The following XKR3 variants were observed in gnomAD, a reference collection of about 807,000 sequenced individuals.
XKR3 encodes XK-related protein 3.
In XKR3, 27 loss-of-function variants were observed where a neutral mutation model predicts 40.3. The ratio of observed to expected loss-of-function variants is 0.67; its 90% CI spans 0.49 to 0.92. The LOEUF is 0.92. Ranked by LOEUF, XKR3 falls within the 40% of genes least tolerant of loss-of-function variation. The probability of loss-of-function intolerance (pLI) is 0.00; values close to 1 mark genes in which losing one functional copy is unlikely to be tolerated. For missense variants in XKR3, 472 were observed against 537.6 expected (o/e 0.88, Z 1.21); for synonymous variants, 193 against 195.4 (o/e 0.99, Z 0.10).
At chr22:16,799,455 T>C (rs2041696) in intron 3 of XKR3, among the ~76,000 whole-genome samples, 40,880 of 116,120 alleles carry the variant, frequency 0.35, 6,348 homozygotes, top group Middle Eastern at 0.5. Context: ...TTATACAAGG[T>C]AGATTATAAC....
At chr22:16,792,283 T>C (rs1388434572) in intron 3 of XKR3, among the ~76,000 whole-genome samples, 1 of 152,170 alleles carries the variant, frequency 6.6e-6, no homozygotes, top group Non-Finnish European at 1.5e-5. Flanking sequence ...TAAATAGGTG[T>C]CCGTCTACAT....
chr22:16,794,239 G>A (rs1258541700), intron 3 of XKR3, among the ~76,000 whole-genome samples: 12 of 151,942 alleles, frequency 7.9e-5, no homozygotes, highest in Non-Finnish European at 1.6e-4. Flanking sequence ...CATTCCCAAG[G>A]CACATAGTCA....
chr22:16,789,923 A>G (rs367785829), intron 3 of XKR3, among the ~76,000 whole-genome samples: 11 of 152,326 alleles, frequency 7.2e-5, no homozygotes, highest in African/African-American at 2.4e-4. Flanking sequence ...AGAGAGCTAC[A>G]TGCAGAAAAA....
At chr22:16,807,495 C>G (rs1482182477) in intron 2 of XKR3, among the ~76,000 whole-genome samples, 4 of 152,128 alleles carry the variant, frequency 2.6e-5, no homozygotes, top group Non-Finnish European at 4.4e-5. Flanking sequence ...GAATACAACA[C>G]ATACATAGAA....
chr22:16,824,168 G>C (rs2060265957), intron 1 of XKR3, among the ~76,000 whole-genome samples: 1 of 152,110 alleles, frequency 6.6e-6, no homozygotes, highest in African/African-American at 2.4e-5. Flanking sequence ...GTTATTTAAA[G>C]GGATGAGACA....
At chr22:16,799,665 G>A in intron 3 of XKR3, 106 bp downstream of exon 3, 1 of 1,306,204 alleles carries the variant, frequency 7.7e-7, no homozygotes. Flanking sequence ...AAAAAATTTA[G>A]TGCAACTGTA....
chr22:16,819,409 A>G (rs533119461), intron 1 of XKR3, among the ~76,000 whole-genome samples: 1 of 152,298 alleles, frequency 6.6e-6, no homozygotes, highest in African/African-American at 2.4e-5. Flanking sequence ...GCCTAGGGAT[A>G]GATTCATAAA....
chr22:16,799,315 G>A (rs2060156217), intron 3 of XKR3, among the ~76,000 whole-genome samples: 1 of 149,558 alleles, frequency 6.7e-6, no homozygotes, highest in Non-Finnish European at 1.5e-5. Context: ...TCAGGAGGCT[G>A]AGTCAGAAGA....
At chr22:16,794,583 G>C (rs2060133017) in intron 3 of XKR3, among the ~76,000 whole-genome samples, 1 of 152,186 alleles carries the variant, frequency 6.6e-6, no homozygotes, top group Admixed American at 6.5e-5. Flanking sequence ...ACGTGCATTT[G>C]AAAGAATGGT....
intron 1 of XKR3, among the ~76,000 whole-genome samples, chr22:16,817,536 A>G (rs2060239031): frequency 6.6e-6 from 1 of 152,132 alleles, no homozygotes; most frequent in African/African-American, 2.4e-5. Context: ...TATTGGCTCA[A>G]ATATTCCAGC....
At chr22:16,806,468 G>T (rs1247272253) in intron 2 of XKR3, among the ~76,000 whole-genome samples, 1 of 97,370 alleles carries the variant, frequency 1.0e-5, no homozygotes, top group Non-Finnish European at 2.0e-5. Context: ...ATATAGTTAA[G>T]GTTTTTTTTT....
intron 1 of XKR3, among the ~76,000 whole-genome samples, chr22:16,820,795 A>T (rs998359612): frequency 1.8e-4 from 27 of 152,294 alleles, no homozygotes; most frequent in African/African-American, 5.8e-4. Context: ...TTCATTTTTT[A>T]AAAAAGATTT....
At chr22:16,785,786 T>C in intron 3 of XKR3, among the ~76,000 whole-genome samples, 1 of 151,996 alleles carries the variant, frequency 6.6e-6, no homozygotes, top group South Asian at 2.1e-4. Flanking sequence ...AGGCAGAGGT[T>C]GCAGTGAACC....
In XKR3 at chr22:16,819,234, G is replaced by C. The variant is rs187972901; in HGVS notation, c.-11+6057C>G. Among the ~76,000 whole-genome samples, 20 of 152,216 alleles carry C rather than the reference G, an allele frequency of 1.3e-4. No individual in the cohort carries two copies. In the East Asian group the frequency reaches 3.9e-3, roughly 29 times the overall value. On this transcript the variant is annotated intron_variant, in intron 1 of 3. Coordinates refer to ENST00000684488, the MANE Select transcript of XKR3 (RefSeq NM_001386955.1). The stretch of plus-strand genomic sequence containing the variant: ...CCCCAGCTTGATCTATATATTTGAT[G>C]CAATTCCTATCAAAATCTCAAAAAG...
At position 16,783,960 on chromosome 22, in the gene XKR3, G is replaced by T. The variant is rs561145882; in HGVS notation, c.1039C>A (p.His347Asn). ...GRQRWGHRILHYSFQFLENVI... is the reference protein window; with the variant it reads ...GRQRWGHRILNYSFQFLENVI... ...TTTTCTAAAAACTGAAAGCTGTAGT[G>T]TAGGATTCTATGGCCCCACCTCTGT... Residue 347 changes from histidine to asparagine, a missense_variant, in exon 4 of 4, where the codon CAC (histidine) becomes AAC (asparagine). By Grantham distance (68) the His-to-Asn change is moderately conservative. Transcript: ENST00000684488. The T allele has an allele frequency of 2.5e-5, 41 of 1,614,210 alleles. No homozygotes were observed. The African/African-American group carries it at 4.8e-4, about 19-fold the overall frequency.
intron 1 of XKR3, among the ~76,000 whole-genome samples, chr22:16,808,618 TAACTC>T (rs1486791507): frequency 2.0e-5 from 3 of 152,242 alleles, no homozygotes; most frequent in Admixed American, 6.5e-5. Flanking sequence ...TGACTGAACT[TAACTC>T]TATGAAGTTA....
chr22:16,812,509 T>C (rs986477962), intron 1 of XKR3, among the ~76,000 whole-genome samples: 2 of 151,956 alleles, frequency 1.3e-5, no homozygotes, highest in African/African-American at 4.8e-5. Context: ...ACCCCGTCTG[T>C]ACTAAAAATA....
At chr22:16,801,867 A>G (rs1420200202) in intron 2 of XKR3, among the ~76,000 whole-genome samples, 1 of 152,214 alleles carries the variant, frequency 6.6e-6, no homozygotes, top group Non-Finnish European at 1.5e-5. Flanking sequence ...ACTTGCAAAA[A>G]TGAACAAATC....
chr22:16,789,463 C>G (rs1254005329), intron 3 of XKR3, among the ~76,000 whole-genome samples: 1 of 151,540 alleles, frequency 6.6e-6, no homozygotes, highest in Non-Finnish European at 1.5e-5. Flanking sequence ...GTAAATTTTA[C>G]CAAGGAGGTA....
Sources: allele counts gnomAD v4.1 joint callset (sites outside exome capture counted in the v4.1 genomes callset), GRCh38; gene constraint gnomAD v4.1.1; transcripts MANE v1.5; gene names NCBI Gene and HGNC (gene_info 2026-07-23, HGNC 2026-07-21).